The following ENPP1 variants were observed in gnomAD, a reference collection of about 807,000 sequenced individuals.
ENPP1 encodes ectonucleotide pyrophosphatase/phosphodiesterase 1.
A neutral mutation model predicts 122.8 loss-of-function variants in ENPP1; 73 were observed. That is an observed-to-expected ratio of 0.59 (90% CI 0.49 to 0.72). ENPP1 has a LOEUF of 0.72. ENPP1 is among the 30% of genes least tolerant of loss of function. ENPP1 has a pLI of 0.00. For missense variants in ENPP1, 978 were observed against 1,128.1 expected, an observed-to-expected ratio of 0.87 and a Z score of 1.91; for synonymous variants, 367 against 391.6, an observed-to-expected ratio of 0.94 and a Z score of 0.74.
At chr6:131,839,315 A>G (rs858341) in intron 1 of ENPP1, among the ~76,000 whole-genome samples, 70,209 of 151,096 alleles carry the variant, frequency 0.46, 17,049 homozygotes, top group African/African-American at 0.61. Context: ...CCCCTTTACC[A>G]TTCTGTGTTG....
intron 1 of ENPP1, among the ~76,000 whole-genome samples, chr6:131,810,468 C>T (rs1437552611): frequency 7.2e-6 from 1 of 139,520 alleles, no homozygotes; most frequent in Non-Finnish European, 1.5e-5. Context: ...CAAAAACTTC[C>T]CCAAATAATG....
At position 131,872,076 on chromosome 6, in the gene ENPP1, A is replaced by G. The variant is rs148462924; in HGVS notation, c.1412A>G (p.Tyr471Cys). Residue 471 changes from tyrosine to cysteine, a missense_variant, in exon 14 of 25, where the codon TAT becomes TGT. Coordinates refer to ENST00000647893, the MANE Select transcript of ENPP1 (RefSeq NM_006208.3). ...DVPDKYYSFN[Y>C]EGIARNLSCR... ...TATGTTTGTTCCCCTCCAGTTAACT[A>G]TGAAGGCATTGCCCGAAATCTTTCT... The G allele has an allele frequency of 1.1e-4, 179 of 1,589,800 alleles. No individual in the cohort carries two copies. Among genetic ancestry groups the G allele is most frequent in the Non-Finnish European group, 1.4e-4 (168 of 1,160,842 alleles).
intron 1 of ENPP1, among the ~76,000 whole-genome samples, chr6:131,824,438 AG>A (rs1285336407): frequency 1.4e-5 from 2 of 138,482 alleles, no homozygotes; most frequent in African/African-American, 5.2e-5. Flanking sequence ...ATCTCCAGGC[AG>A]GATTTGTTGT....
At chr6:131,865,643 A>C (rs574941194) in intron 11 of ENPP1, among the ~76,000 whole-genome samples, 2 of 152,084 alleles carry the variant, frequency 1.3e-5, no homozygotes, top group African/African-American at 2.4e-5. Context: ...TGGCAAAAAA[A>C]CACAATTACT....
At chr6:131,816,962 G>A (rs1781421629) in intron 1 of ENPP1, among the ~76,000 whole-genome samples, 4 of 152,158 alleles carry the variant, frequency 2.6e-5, no homozygotes, top group African/African-American at 9.7e-5. Flanking sequence ...AACCACCTGG[G>A]AAGTGTTAAA....
chr6:131,868,464 C>G (rs919593223), intron 12 of ENPP1, among the ~76,000 whole-genome samples: 1 of 152,096 alleles, frequency 6.6e-6, no homozygotes, highest in Admixed American at 6.5e-5. Context: ...GTTTTTGAGA[C>G]AGTCTCATTC....
At chr6:131,817,179 T>C (rs1469814130) in intron 1 of ENPP1, among the ~76,000 whole-genome samples, 1 of 152,184 alleles carries the variant, frequency 6.6e-6, no homozygotes, top group Non-Finnish European at 1.5e-5. Context: ...TGGAAGGACT[T>C]TTATCTACAG....
chr6:131,875,697 A>G, intron 16 of ENPP1, 79 bp from the exon 17 acceptor site: 3 of 1,017,046 alleles, frequency 2.9e-6, no homozygotes, highest in Non-Finnish European at 4.7e-6. Flanking sequence ...GTATATGTAC[A>G]ATGTGGATAA....
Position 131,890,573 on chromosome 6 carries a change from C to T in ENPP1, c.*62C>T. 2.2e-6 allele frequency: 3 copies of T among 1,342,696 alleles called. No homozygotes were observed. Among genetic ancestry groups the T allele is most frequent in the Non-Finnish European group, 2.1e-6 (2 of 934,080 alleles). 83.2% of individuals were successfully genotyped at this position (1,342,696 alleles called of 1,614,324 possible). A position where few individuals can be genotyped will look rare whatever the true frequency, so the allele number is the denominator to read the frequency against. ...AGAGAACCTTATATTTTATATAGTC[C>T]TCTAGCTACACTATTGCATTGTTCA... On this transcript the variant is annotated 3_prime_UTR_variant, in exon 25 of 25. Coordinates refer to ENST00000647893, the MANE Select transcript of ENPP1 (RefSeq NM_006208.3).
In ENPP1 at chr6:131,879,870, G is replaced by A. The variant is rs1585839513; in HGVS notation, c.1946-10G>A. ...CACTAACTACATTTATTTTCATCCT[G>A]TGACCCAAGAGAAGATTATTAAGCA... On this transcript the variant is annotated splice_polypyrimidine_tract_variant and intron_variant, in intron 19 of 24. Coordinates refer to ENST00000647893, the MANE Select transcript of ENPP1 (RefSeq NM_006208.3). 6.2e-7 allele frequency: 1 copy of A among 1,611,904 alleles called. No homozygotes were observed. Among genetic ancestry groups the A allele is most frequent in the Non-Finnish European group, 8.5e-7 (1 of 1,178,088 alleles).
chr6:131,890,531 C>G lies in ENPP1; in HGVS notation c.*20C>G, dbSNP rs1562188316. On this transcript the variant is annotated 3_prime_UTR_variant, in exon 25 of 25. Transcript: ENST00000647893. ...GACTGATATGTTTTTTATCCCCAAACACCATGAATCTTTTTGAGAGAACCT... is the reference window on the plus strand; with the variant it reads ...GACTGATATGTTTTTTATCCCCAAAGACCATGAATCTTTTTGAGAGAACCT... The G allele has an allele frequency of 6.3e-7, 1 of 1,595,174 alleles. No individual in the cohort carries two copies. Among genetic ancestry groups the G allele is most frequent in the Non-Finnish European group, 8.6e-7 (1 of 1,162,752 alleles).
rs78755079 is a variant in ENPP1 at position 131,819,954 on chromosome 6, C to T, written c.240+11679C>T. 2.3e-3 allele frequency: 729 copies of T among 317,560 alleles called. 3 individuals carry two copies. Among genetic ancestry groups the T allele is most frequent in the South Asian group, 5.9e-3 (203 of 34,462 alleles). 19.7% of individuals were successfully genotyped at this position (317,560 alleles called of 1,614,324 possible). A position where few individuals can be genotyped will look rare whatever the true frequency, so the allele number is the denominator to read the frequency against. On this transcript the variant is annotated intron_variant, in intron 1 of 24. Transcript: ENST00000647893. ...TCCATAGCTTCTTTTTTTTTTTTTTCGCATCTTGCTGAAGCAGAGTTTTGA... is the reference window on the plus strand; with the variant it reads ...TCCATAGCTTCTTTTTTTTTTTTTTTGCATCTTGCTGAAGCAGAGTTTTGA...
chr6:131,837,234 A>G (rs1781686163), intron 1 of ENPP1, among the ~76,000 whole-genome samples: 1 of 149,756 alleles, frequency 6.7e-6, no homozygotes. Flanking sequence ...ATTACTTAAA[A>G]GTTTATAAAG....
At chr6:131,862,134 A>G (rs1585824650) in intron 9 of ENPP1, among the ~76,000 whole-genome samples, 1 of 152,060 alleles carries the variant, frequency 6.6e-6, no homozygotes, top group Non-Finnish European at 1.5e-5. Flanking sequence ...ACGTCATTGC[A>G]CTCCAGCCTG....
chr6:131,880,432 C>T (rs1027856138), intron 20 of ENPP1, among the ~76,000 whole-genome samples: 6 of 151,674 alleles, frequency 4.0e-5, no homozygotes, highest in Non-Finnish European at 8.8e-5. Context: ...GGCGTGGTGG[C>T]GGGCGCCTGT....
chr6:131,816,408 A>G lies in ENPP1; in HGVS notation c.240+8133A>G, dbSNP rs1227468666. On this transcript the variant is annotated intron_variant, in intron 1 of 24. Transcript: ENST00000647893. The stretch of plus-strand genomic sequence containing the variant: ...AAAATAAACAAGAAACCTTTTAGCA[A>G]ATGAGCTCAGGGCCGAACATAGATT... Among the ~76,000 whole-genome samples, 9 of 152,278 alleles carry G rather than the reference A, an allele frequency of 5.9e-5. No homozygotes were observed. In the South Asian group the frequency reaches 1.9e-3, roughly 32 times the overall value.
chr6:131,882,055 AAAT>A (rs1467302286), intron 20 of ENPP1, among the ~76,000 whole-genome samples: 2 of 150,498 alleles, frequency 1.3e-5, no homozygotes, highest in African/African-American at 4.9e-5. Context: ...ATAAATAAAT[AAAT>A]ATTTAAAATT....
intron 13 of ENPP1, among the ~76,000 whole-genome samples, chr6:131,870,035 A>G (rs1467366085): frequency 1.3e-5 from 2 of 152,174 alleles, no homozygotes; most frequent in Non-Finnish European, 2.9e-5. Flanking sequence ...TGGACTAAGC[A>G]TAATATTTGA....
chr6:131,822,628 G>A (rs1352958395), intron 1 of ENPP1, among the ~76,000 whole-genome samples: 1 of 145,772 alleles, frequency 6.9e-6, no homozygotes, highest in Middle Eastern at 3.4e-3. Flanking sequence ...ATATTATTCT[G>A]TTGCCTTTTT....
Sources: gnomAD v4.1 joint callset for allele counts (sites outside exome capture counted in the v4.1 genomes callset) on GRCh38, gnomAD v4.1.1 for gene constraint, MANE v1.5 for transcripts, NCBI Gene and HGNC (gene_info 2026-07-23, HGNC 2026-07-21) for gene names.